The following CSMD1 variants were observed in gnomAD, a reference collection of about 807,000 sequenced individuals.
CSMD1 encodes CUB and Sushi multiple domains 1, also known as CUB and sushi domain-containing protein 1.
CSMD1 carries 213 observed loss-of-function variants against 417.5 expected under a neutral mutation model. That is an observed-to-expected ratio of 0.51 (90% confidence interval 0.46 to 0.57). The LOEUF (loss-of-function observed/expected upper bound fraction) is 0.57, where lower values mean the gene tolerates loss of function less well. Among genes scored for constraint, CSMD1 ranks in the 20% least tolerant of loss-of-function variants. CSMD1 has a pLI of 0.00. For synonymous variants in CSMD1, 2,862 were observed against 1,736.8 expected (o/e 1.65, Z -16.11); for missense variants, 6,923 against 4,529.7 (o/e 1.53, Z -15.17).
intron 3 of CSMD1, among the ~76,000 whole-genome samples, chr8:4,096,050 G>C (rs79857089): frequency 0.031 from 4,442 of 141,146 alleles, 95 homozygotes; most frequent in Non-Finnish European, 0.046. Flanking sequence ...GGTGTGTTTT[G>C]TTCTTGTAAC....
intron 3 of CSMD1, among the ~76,000 whole-genome samples, chr8:4,192,231 C>T (rs1383260703): frequency 3.9e-5 from 6 of 152,098 alleles, no homozygotes; most frequent in Non-Finnish European, 1.5e-5. Flanking sequence ...TGAATGTTAA[C>T]AAAATATAGT....
At chr8:4,305,670 A>G (rs528259196) in intron 3 of CSMD1, among the ~76,000 whole-genome samples, 1 of 152,330 alleles carries the variant, frequency 6.6e-6, no homozygotes, top group South Asian at 2.1e-4. Flanking sequence ...ACCAGCAGAG[A>G]GTAAGTGCTT....
At chr8:4,625,483 T>C (rs950553432) in intron 2 of CSMD1, among the ~76,000 whole-genome samples, 7 of 152,178 alleles carry the variant, frequency 4.6e-5, no homozygotes, top group African/African-American at 1.4e-4. Flanking sequence ...ATACTCTGAA[T>C]GAATCCACCT....
chr8:3,595,266 C>T (rs769099889), intron 8 of CSMD1, among the ~76,000 whole-genome samples: 1 of 152,138 alleles, frequency 6.6e-6, no homozygotes. Flanking sequence ...AAACAATGTC[C>T]CATTGTGTGA....
At chr8:4,156,027 G>A (rs1714779) in intron 3 of CSMD1, among the ~76,000 whole-genome samples, 152,024 of 152,216 alleles carry the variant, frequency 1, 75,916 homozygotes, top group Middle Eastern at 1. Flanking sequence ...CCAGTGGCCT[G>A]GTTCCTCAGA....
At chr8:4,650,850 T>C (rs1008669007) in intron 1 of CSMD1, among the ~76,000 whole-genome samples, 1 of 152,196 alleles carries the variant, frequency 6.6e-6, no homozygotes, top group African/African-American at 2.4e-5. Flanking sequence ...AGCAGAAAAA[T>C]AGCTAGTTGC....
At chr8:3,431,376 C>G (rs184855061) in intron 12 of CSMD1, among the ~76,000 whole-genome samples, 1 of 152,160 alleles carries the variant, frequency 6.6e-6, no homozygotes, top group African/African-American at 2.4e-5. Flanking sequence ...CTCATTTTCC[C>G]ACTAGGCAGT....
intron 12 of CSMD1, among the ~76,000 whole-genome samples, chr8:3,430,268 T>A (rs1181262775): frequency 1.3e-5 from 2 of 152,160 alleles, no homozygotes; most frequent in Non-Finnish European, 2.9e-5. Flanking sequence ...ATTATCAATA[T>A]GAATACTTAC....
chr8:3,235,888 A>T (rs1005582020), intron 26 of CSMD1, among the ~76,000 whole-genome samples: 2 of 148,378 alleles, frequency 1.3e-5, no homozygotes, highest in Non-Finnish European at 3.0e-5. Context: ...AATTAGCTCG[A>T]GTTTATGCCA....
chr8:4,623,145 A>G (rs10100024), intron 2 of CSMD1, among the ~76,000 whole-genome samples: 23,440 of 152,144 alleles, frequency 0.15, 2,533 homozygotes, highest in African/African-American at 0.31. Flanking sequence ...TGATAACTCA[A>G]AGGGAAGACA....
chr8:3,585,908 C>G (rs1019130308), intron 9 of CSMD1, among the ~76,000 whole-genome samples: 1 of 152,084 alleles, frequency 6.6e-6, no homozygotes, highest in Non-Finnish European at 1.5e-5. Context: ...TGGATTTGCT[C>G]ACATCTATCC....
At chr8:3,916,157 T>C (rs1227433407) in intron 5 of CSMD1, among the ~76,000 whole-genome samples, 1 of 152,100 alleles carries the variant, frequency 6.6e-6, no homozygotes, top group Non-Finnish European at 1.5e-5. Flanking sequence ...CTAAATGCTC[T>C]ATTACTTCAA....
At chr8:3,640,554 C>A (rs1319290464) in intron 7 of CSMD1, among the ~76,000 whole-genome samples, 1 of 152,186 alleles carries the variant, frequency 6.6e-6, no homozygotes, top group Admixed American at 6.5e-5. Flanking sequence ...TTTTTTTCCA[C>A]TGGATTGGAC....
intron 3 of CSMD1, among the ~76,000 whole-genome samples, chr8:4,032,823 T>A (rs1317961586): frequency 6.6e-6 from 1 of 152,160 alleles, no homozygotes. Flanking sequence ...ACCATCTGAA[T>A]GGACACATCC....
At chr8:3,757,669 C>T (rs913423601) in intron 5 of CSMD1, among the ~76,000 whole-genome samples, 1 of 152,002 alleles carries the variant, frequency 6.6e-6, no homozygotes, top group East Asian at 2.0e-4. Context: ...TCAAGACAAG[C>T]ATGGCCAACA....
intron 3 of CSMD1, among the ~76,000 whole-genome samples, chr8:4,089,151 G>T (rs757896456): frequency 3.3e-5 from 5 of 152,152 alleles, no homozygotes; most frequent in Non-Finnish European, 7.3e-5. Context: ...AACATTGCTT[G>T]GCAAGACATT....
At chr8:3,393,356 G>T (rs766148349) in intron 17 of CSMD1, among the ~76,000 whole-genome samples, 3 of 152,208 alleles carry the variant, frequency 2.0e-5, no homozygotes, top group African/African-American at 7.2e-5. Flanking sequence ...AAGGTGGAAA[G>T]AAGAGGGAAT....
At chr8:3,074,861 G>A (rs1335921261) in intron 49 of CSMD1, among the ~76,000 whole-genome samples, 1 of 152,156 alleles carries the variant, frequency 6.6e-6, no homozygotes, top group Non-Finnish European at 1.5e-5. Context: ...TAATAGATAT[G>A]TTTACTGATG....
chr8:3,672,397 G>T (rs533873643), intron 7 of CSMD1, among the ~76,000 whole-genome samples: 1 of 152,266 alleles, frequency 6.6e-6, no homozygotes, highest in African/African-American at 2.4e-5. Context: ...CTCAACCACA[G>T]CTCAGAAAAC....
Sources: gnomAD v4.1 joint callset for allele counts (sites outside exome capture counted in the v4.1 genomes callset) on GRCh38, gnomAD v4.1.1 for gene constraint, MANE v1.5 for transcripts, NCBI Gene and HGNC (gene_info 2026-07-23, HGNC 2026-07-21) for gene names.